Variants in DNER observed in about 807,000 individuals in gnomAD.
DNER encodes delta and Notch-like epidermal growth factor-related receptor.
In DNER, 33 loss-of-function variants were observed where a neutral mutation model predicts 78.2. The ratio of observed to expected loss-of-function variants is 0.42; its 90% CI spans 0.32 to 0.56. The LOEUF is 0.56. DNER is among the 20% of genes least tolerant of loss of function. The pLI is 0.11. For missense variants in DNER, 918 were observed against 975.3 expected, an observed-to-expected ratio of 0.94 and a Z score of 0.78; for synonymous variants, 417 against 384.8, an observed-to-expected ratio of 1.08 and a Z score of -0.98.
intron 8 of DNER, among the ~76,000 whole-genome samples, chr2:229,422,244 C>A (rs1298896785): frequency 6.6e-6 from 1 of 152,120 alleles, no homozygotes; most frequent in Non-Finnish European, 1.5e-5. Context: ...AGGCTATCAC[C>A]CCCTGCTGAT....
intron 10 of DNER, among the ~76,000 whole-genome samples, chr2:229,397,020 G>T (rs976574327): frequency 6.6e-6 from 1 of 152,178 alleles, no homozygotes; most frequent in Admixed American, 6.5e-5. Context: ...GCCCACCGTG[G>T]AACAAACAGA....
At chr2:229,407,450 C>T in intron 9 of DNER, 105 bp from the exon 10 acceptor site, 1 of 955,160 alleles carries the variant, frequency 1.0e-6, no homozygotes, top group Non-Finnish European at 1.6e-6. Flanking sequence ...AGGGAGATTC[C>T]CAGCGTGGGT....
chr2:229,668,536 GTATATATATATATATATATA>G (rs1163016191), intron 1 of DNER, among the ~76,000 whole-genome samples: 9 of 7,096 alleles, frequency 1.3e-3, no homozygotes, highest in African/African-American at 2.7e-3. Context: ...GTGTGTGTGT[GTATATATATATATATATATA>G]TATATATATA....
chr2:229,557,252 C>T (rs935356913), intron 4 of DNER, among the ~76,000 whole-genome samples: 2 of 152,224 alleles, frequency 1.3e-5, no homozygotes, highest in African/African-American at 2.4e-5. Context: ...CTGATAGACA[C>T]TTCCAACATA....
chr2:229,379,754 G>A (rs970126036), intron 11 of DNER, among the ~76,000 whole-genome samples: 1 of 152,118 alleles, frequency 6.6e-6, no homozygotes, highest in Admixed American at 6.5e-5. Flanking sequence ...CAGTCATAAC[G>A]AGTGCCTTGG....
At chr2:229,416,766 A>G (rs1693662127) in intron 9 of DNER, among the ~76,000 whole-genome samples, 1 of 151,992 alleles carries the variant, frequency 6.6e-6, no homozygotes, top group Admixed American at 6.6e-5. Context: ...CTTTCTTGAG[A>G]CCCCAAATCT....
At position 229,448,840 on chromosome 2, in the gene DNER, A is replaced by G. The variant is rs796565892; in HGVS notation, c.1262-1300T>C. 3.8e-4 allele frequency among the ~76,000 whole-genome samples: 58 copies of G among 152,312 alleles called. 1 individual carries two copies. The highest frequency in any genetic ancestry group is 1.3e-3 in the African/African-American group (55 of 41,584). Reference sequence around the variant, plus strand: ...ACTCACATATAGTTTGTATTCTAATAGTCTATTACACGTCTCTTGTTTACA... The same window carrying G: ...ACTCACATATAGTTTGTATTCTAATGGTCTATTACACGTCTCTTGTTTACA... On this transcript the variant is annotated intron_variant, in intron 7 of 12. Coordinates refer to ENST00000341772, the MANE Select transcript of DNER (RefSeq NM_139072.4).
chr2:229,681,911 T>C (rs1699394885), intron 1 of DNER, among the ~76,000 whole-genome samples: 1 of 152,070 alleles, frequency 6.6e-6, no homozygotes, highest in Non-Finnish European at 1.5e-5. Flanking sequence ...AACATAATTA[T>C]GTATTTTTTA....
At position 229,427,904 on chromosome 2, in the gene DNER, G is replaced by A. The variant is rs540086275; in HGVS notation, c.1487-9674C>T. 1.8e-4 allele frequency among the ~76,000 whole-genome samples: 27 copies of A among 151,894 alleles called. No individual in the cohort carries two copies. In the South Asian group the frequency reaches 3.1e-3, roughly 18 times the overall value. ...AGCCTGACCAACATGGTGAAATCTC[G>A]TCTCTACTAAAAATGCAAAAATTAG... On this transcript the variant is annotated intron_variant, in intron 8 of 12. Transcript: ENST00000341772.
intron 1 of DNER, among the ~76,000 whole-genome samples, chr2:229,638,703 A>G (rs1440637212): frequency 1.3e-5 from 2 of 152,230 alleles, no homozygotes; most frequent in South Asian, 2.1e-4. Context: ...GGACTCATTT[A>G]TCTACTGGGA....
chr2:229,433,506 A>T (rs1694061379), intron 8 of DNER, among the ~76,000 whole-genome samples: 1 of 152,136 alleles, frequency 6.6e-6, no homozygotes, highest in South Asian at 2.1e-4. Flanking sequence ...GAGGGAAAGT[A>T]ATAAGGATAT....
At chr2:229,627,293 C>T (rs1307397732) in intron 1 of DNER, among the ~76,000 whole-genome samples, 1 of 152,162 alleles carries the variant, frequency 6.6e-6, no homozygotes, top group African/African-American at 2.4e-5. Context: ...ACACATCACC[C>T]TGTATTTTAT....
At chr2:229,646,768 C>A (rs920534623) in intron 1 of DNER, among the ~76,000 whole-genome samples, 2 of 152,266 alleles carry the variant, frequency 1.3e-5, no homozygotes, top group African/African-American at 2.4e-5. Context: ...CCACGGTGAA[C>A]CAGACAAGGT....
intron 10 of DNER, among the ~76,000 whole-genome samples, chr2:229,403,542 A>C (rs1275171628): frequency 6.6e-6 from 1 of 152,186 alleles, no homozygotes; most frequent in Non-Finnish European, 1.5e-5. Flanking sequence ...CACAACCCCT[A>C]AATGACTTTA....
intron 10 of DNER, among the ~76,000 whole-genome samples, chr2:229,393,026 T>C (rs1405215803): frequency 6.6e-6 from 1 of 151,676 alleles, no homozygotes; most frequent in Non-Finnish European, 1.5e-5. Context: ...GTGTTCAAAA[T>C]GTGAAATAAA....
rs538780908 is a variant in DNER, at chr2:229,564,860, C to T, written c.848-17768G>A. 2.6e-5 allele frequency among the ~76,000 whole-genome samples: 4 copies of T among 152,238 alleles called. No homozygotes were observed. In the South Asian group the frequency reaches 8.3e-4, roughly 32 times the overall value. On this transcript the variant is annotated intron_variant, in intron 4 of 12. Coordinates refer to ENST00000341772, the MANE Select transcript of DNER (RefSeq NM_139072.4). ...GCTTTAAAACAAAGGAAATTTATTG[C>T]TCACAGATCTAGAGGCTGGGAAGTA...
At chr2:229,497,216 T>A (rs75417896) in intron 6 of DNER, among the ~76,000 whole-genome samples, 1 of 151,856 alleles carries the variant, frequency 6.6e-6, no homozygotes, top group South Asian at 2.1e-4. Context: ...AGTCAAAGAA[T>A]AAATCAAAAG....
intron 4 of DNER, among the ~76,000 whole-genome samples, chr2:229,577,881 T>C (rs1697330980): frequency 6.6e-6 from 1 of 152,186 alleles, no homozygotes; most frequent in African/African-American, 2.4e-5. Context: ...AATAAAGATA[T>C]TACCAAGTTA....
chr2:229,498,572 A>G (rs1342177090), intron 6 of DNER, among the ~76,000 whole-genome samples: 1 of 152,222 alleles, frequency 6.6e-6, no homozygotes, highest in Non-Finnish European at 1.5e-5. Context: ...GTAAATATGG[A>G]GGATACAAAA....
Sources: allele counts gnomAD v4.1 joint callset (sites outside exome capture counted in the v4.1 genomes callset), GRCh38; gene constraint gnomAD v4.1.1; transcripts MANE v1.5; gene names NCBI Gene and HGNC (gene_info 2026-07-23, HGNC 2026-07-21).